Variants in CSMD1 observed in about 807,000 individuals in gnomAD.
CSMD1 encodes the protein CUB and sushi domain-containing protein 1.
CSMD1 carries 213 observed loss-of-function variants against 417.5 expected under a neutral mutation model. The observed-to-expected ratio is 0.51, with a 90% CI of 0.46 to 0.57. The LOEUF (loss-of-function observed/expected upper bound fraction) is 0.57. CSMD1 is among the 20% of genes least tolerant of loss of function. CSMD1 has a pLI of 0.00. For missense variants in CSMD1, 6,923 were observed against 4,529.7 expected, an observed-to-expected ratio of 1.53 and a Z score of -15.17; for synonymous variants, 2,862 against 1,736.8, an observed-to-expected ratio of 1.65 and a Z score of -16.11.
chr8:4,709,878 G>A (rs968052515), intron 1 of CSMD1, among the ~76,000 whole-genome samples: 10 of 152,248 alleles, frequency 6.6e-5, no homozygotes, highest in East Asian at 3.9e-4. Context: ...CTCAATGAAC[G>A]TTTAAAGTAA....
At chr8:3,772,501 A>G (rs560804903) in intron 5 of CSMD1, among the ~76,000 whole-genome samples, 1 of 24,314 alleles carries the variant, frequency 4.1e-5, no homozygotes, top group African/African-American at 1.1e-4. Context: ...ATATATACAT[A>G]TATACACATA....
At chr8:3,841,782 T>C (rs909415426) in intron 5 of CSMD1, among the ~76,000 whole-genome samples, 11 of 151,942 alleles carry the variant, frequency 7.2e-5, no homozygotes. Context: ...CAATGAAAAT[T>C]AGTAAATACG....
At chr8:4,859,787 T>G (rs550533945) in intron 1 of CSMD1, among the ~76,000 whole-genome samples, 1 of 151,902 alleles carries the variant, frequency 6.6e-6, no homozygotes, top group African/African-American at 2.4e-5. Flanking sequence ...TGTGGAGAAA[T>G]AGGAACACTT....
chr8:3,957,539 C>A (rs56335260), intron 5 of CSMD1, among the ~76,000 whole-genome samples: 22,291 of 151,938 alleles, frequency 0.15, 1,968 homozygotes, highest in African/African-American at 0.24. Context: ...AAAAAACTAG[C>A]TGGGCATGGC....
chr8:3,838,407 T>C lies in CSMD1; in HGVS notation c.819-84365A>G, dbSNP rs28403508. Among the ~76,000 whole-genome samples the C allele has an allele frequency of 1.7e-4, 26 of 149,256 alleles. No individual in the cohort carries two copies. In the South Asian group the frequency reaches 4.8e-3, roughly 28 times the overall value. ...GCACTATATATATAGCCTATATATA[T>C]AGAGAGAGACTATATATAGAGGGAG... On this transcript the variant is annotated intron_variant, in intron 5 of 69. Coordinates refer to ENST00000635120, the MANE Select transcript of CSMD1 (RefSeq NM_033225.6).
chr8:3,925,093 T>A (rs1809557295), intron 5 of CSMD1, among the ~76,000 whole-genome samples: 1 of 152,226 alleles, frequency 6.6e-6, no homozygotes, highest in African/African-American at 2.4e-5. Context: ...ACTTCTCTTA[T>A]TCTTTCTTAC....
At chr8:4,720,569 C>T (rs930799045) in intron 1 of CSMD1, among the ~76,000 whole-genome samples, 3 of 152,062 alleles carry the variant, frequency 2.0e-5, no homozygotes, top group East Asian at 3.9e-4. Context: ...AGGCACATGC[C>T]ACCATGCCAG....
chr8:4,839,449 T>C (rs1345909446), intron 1 of CSMD1, among the ~76,000 whole-genome samples: 2 of 152,212 alleles, frequency 1.3e-5, no homozygotes, highest in African/African-American at 4.8e-5. Flanking sequence ...AAAAAGTTGC[T>C]AGACATTTAG....
chr8:3,238,089 G>C (rs1013814947), intron 26 of CSMD1, among the ~76,000 whole-genome samples: 4 of 152,082 alleles, frequency 2.6e-5, no homozygotes, highest in South Asian at 2.1e-4. Context: ...TCCGAAAAGA[G>C]AGTCACCGAA....
At chr8:3,274,280 G>A (rs1437739464) in intron 26 of CSMD1, among the ~76,000 whole-genome samples, 1 of 152,066 alleles carries the variant, frequency 6.6e-6, no homozygotes, top group Non-Finnish European at 1.5e-5. Flanking sequence ...TGATTGCACT[G>A]TGGTCTGAGA....
chr8:3,395,862 A>C (rs1282611173), intron 17 of CSMD1, among the ~76,000 whole-genome samples: 2 of 152,186 alleles, frequency 1.3e-5, no homozygotes, highest in African/African-American at 4.8e-5. Context: ...TATATCCTAT[A>C]AGACTTTTGC....
At chr8:4,506,542 G>C (rs1802537376) in intron 2 of CSMD1, among the ~76,000 whole-genome samples, 2 of 152,098 alleles carry the variant, frequency 1.3e-5, no homozygotes, top group Admixed American at 1.3e-4. Context: ...AGGACCCAGT[G>C]GAAGGGACCT....
intron 4 of CSMD1, 49 bp downstream of exon 4, chr8:4,031,856 C>G (rs1217748889): frequency 7.1e-7 from 1 of 1,408,242 alleles, no homozygotes; most frequent in Non-Finnish European, 9.6e-7. Context: ...TCTCCAAAAC[C>G]ATTGCCCTGC....
At chr8:4,304,870 C>CA (rs1179389256) in intron 3 of CSMD1, among the ~76,000 whole-genome samples, 1 of 152,164 alleles carries the variant, frequency 6.6e-6, no homozygotes, top group African/African-American at 2.4e-5. Context: ...AATCATTTCA[C>CA]AAAATATACT....
At chr8:3,497,045 G>C (rs1265399773) in intron 10 of CSMD1, among the ~76,000 whole-genome samples, 2 of 152,120 alleles carry the variant, frequency 1.3e-5, no homozygotes, top group African/African-American at 2.4e-5. Context: ...GTTGACCCTT[G>C]TTTTGTGGGA....
chr8:4,124,206 A>C (rs1269263429), intron 3 of CSMD1, among the ~76,000 whole-genome samples: 2 of 152,104 alleles, frequency 1.3e-5, no homozygotes, highest in Non-Finnish European at 2.9e-5. Flanking sequence ...GACCAGGAGG[A>C]AGCTTCAGGG....
Position 3,284,186 on chromosome 8 carries a change from C to T in CSMD1, c.4111G>A (p.Asp1371Asn). 1.9e-6 allele frequency: 3 copies of T among 1,594,106 alleles called. No individual in the cohort carries two copies. The highest frequency in any genetic ancestry group is 1.1e-5 in the South Asian group (1 of 88,216). The change falls in exon 26 of 70, where the codon GAC (aspartate) becomes AAC (asparagine). Residue 1371 changes from aspartate (D) to asparagine (N), a missense_variant. Coordinates refer to ENST00000635120, the MANE Select transcript of CSMD1 (RefSeq NM_033225.6). Reference protein sequence around the residue: ...FNSLTLQFDSDFFISKSGFSI... With the variant: ...FNSLTLQFDSNFFISKSGFSI... Reference sequence around the variant, plus strand: ...AAGCCAGACTTGCTGATGAAGAAGTCGCTGTCGAACTGCAGGGTGAGTGAG... The same window carrying T: ...AAGCCAGACTTGCTGATGAAGAAGTTGCTGTCGAACTGCAGGGTGAGTGAG...
At chr8:4,958,540 T>A (rs1260580877) in intron 1 of CSMD1, among the ~76,000 whole-genome samples, 1 of 152,182 alleles carries the variant, frequency 6.6e-6, no homozygotes. Flanking sequence ...CACAGTTAAT[T>A]TATAAGCTCT....
At chr8:3,452,884 A>G (rs181658975) in intron 12 of CSMD1, among the ~76,000 whole-genome samples, 9 of 152,310 alleles carry the variant, frequency 5.9e-5, no homozygotes, top group Non-Finnish European at 1.2e-4. Flanking sequence ...ATAGTTTCAG[A>G]AGGAATGGTA....
Sources: gnomAD v4.1 joint callset for allele counts (sites outside exome capture counted in the v4.1 genomes callset) on GRCh38, gnomAD v4.1.1 for gene constraint, MANE v1.5 for transcripts, NCBI Gene and HGNC (gene_info 2026-07-23, HGNC 2026-07-21) for gene names.